CADPS: variants seen among roughly 807,000 people sequenced by gnomAD.
CADPS encodes calcium dependent secretion activator.
A neutral mutation model predicts 167.3 loss-of-function variants in CADPS; 57 were observed. That is an observed-to-expected ratio of 0.34 (90% CI 0.28 to 0.42). The LOEUF is 0.42. Among genes scored for constraint, CADPS ranks in the 20% least tolerant of loss-of-function variants. The pLI is 1.00. For missense variants in CADPS, 1,414 were observed against 1,738.1 expected (o/e 0.81, Z 3.32); for synonymous variants, 676 against 635.3 (o/e 1.06, Z -0.96).
Position 62,875,081 on chromosome 3 carries a change from G to A in CADPS, c.-52C>T. 1 of 1,522,720 alleles carries A rather than the reference G, an allele frequency of 6.6e-7. No homozygotes were observed. Among genetic ancestry groups the A allele is most frequent in the South Asian group, 1.2e-5 (1 of 85,502 alleles). The allele number at this position is 1,522,720 out of a possible 1,614,324, so 94.3% of individuals were successfully genotyped here. A position where few individuals can be genotyped will look rare whatever the true frequency, so the allele number is the denominator to read the frequency against. On this transcript the variant is annotated 5_prime_UTR_variant, in exon 1 of 30. Coordinates refer to ENST00000383710, the MANE Select transcript of CADPS (RefSeq NM_003716.4). ...GGAGCCCCCGGCTTGGAGTGCAAAA[G>A]GTGGGGGGCGCTGGAGGCAGCCGGG... is the stretch of plus-strand genomic sequence containing the variant.
chr3:62,749,745 G>T (rs2082280075), intron 3 of CADPS, among the ~76,000 whole-genome samples: 1 of 152,158 alleles, frequency 6.6e-6, no homozygotes, highest in Admixed American at 6.5e-5. Flanking sequence ...AAAGAGGAGG[G>T]AGGTAAATTA....
At chr3:62,520,117 G>C (rs1162702148) in intron 13 of CADPS, among the ~76,000 whole-genome samples, 1 of 152,124 alleles carries the variant, frequency 6.6e-6, no homozygotes, top group African/African-American at 2.4e-5. Flanking sequence ...GTTCAGAAAA[G>C]GTTTACTGAT....
intron 1 of CADPS, among the ~76,000 whole-genome samples, chr3:62,843,703 A>C (rs2076967494): frequency 6.6e-6 from 1 of 152,180 alleles, no homozygotes; most frequent in South Asian, 2.1e-4. Flanking sequence ...AGCTAGAAGG[A>C]GGAAGGAGGC....
At chr3:62,436,017 T>C (rs984362108) in intron 28 of CADPS, among the ~76,000 whole-genome samples, 2 of 152,068 alleles carry the variant, frequency 1.3e-5, no homozygotes, top group African/African-American at 4.8e-5. Flanking sequence ...TTGCCTGTGG[T>C]CTTCAACAGT....
chr3:62,810,114 G>C (rs1053798364), intron 1 of CADPS, among the ~76,000 whole-genome samples: 1 of 152,028 alleles, frequency 6.6e-6, no homozygotes, highest in Non-Finnish European at 1.5e-5. Context: ...CTACCATTAC[G>C]GGCCCCTAAT....
chr3:62,578,971 G>C (rs965771818), intron 8 of CADPS, among the ~76,000 whole-genome samples: 2 of 152,138 alleles, frequency 1.3e-5, no homozygotes, highest in African/African-American at 4.8e-5. Context: ...TGATGATTTT[G>C]AAGAAAAAGA....
rs2059533803 is a variant in CADPS, at chr3:62,462,891, C to G, written c.3636+2476G>C. 1.3e-5 allele frequency among the ~76,000 whole-genome samples: 2 copies of G among 152,180 alleles called. 1 individual carries two copies. The highest frequency in any genetic ancestry group is 4.1e-4 in the South Asian group (2 of 4,826). The stretch of plus-strand genomic sequence containing the variant: ...TGGAGATATTCCTGCCACCTCTAAA[C>G]ACAGTTCACTTTCTCTAATACTGGA... On this transcript the variant is annotated intron_variant, in intron 26 of 29. Transcript: ENST00000383710.
At chr3:62,709,639 C>G (rs2082993828) in intron 3 of CADPS, among the ~76,000 whole-genome samples, 1 of 152,086 alleles carries the variant, frequency 6.6e-6, no homozygotes, top group Admixed American at 6.5e-5. Flanking sequence ...CCTGAGGCCT[C>G]AGTCCAGACC....
At chr3:62,540,992 T>C (rs1462639901) in intron 11 of CADPS, among the ~76,000 whole-genome samples, 3 of 152,140 alleles carry the variant, frequency 2.0e-5, no homozygotes, top group African/African-American at 7.2e-5. Flanking sequence ...TTTGCCAATA[T>C]TTGGCATGTG....
intron 6 of CADPS, among the ~76,000 whole-genome samples, chr3:62,599,245 C>A (rs1238017915): frequency 6.6e-6 from 1 of 151,812 alleles, no homozygotes; most frequent in African/African-American, 2.4e-5. Context: ...GGTTAGGTGT[C>A]CCTATTCTGT....
At chr3:62,742,161 GGATA>G (rs2080407882) in intron 3 of CADPS, among the ~76,000 whole-genome samples, 1 of 152,066 alleles carries the variant, frequency 6.6e-6, no homozygotes, top group African/African-American at 2.4e-5. Flanking sequence ...CAATGCTCAT[GGATA>G]GAAAGAATCA....
chr3:62,845,253 G>A (rs1421169923), intron 1 of CADPS, among the ~76,000 whole-genome samples: 1 of 152,156 alleles, frequency 6.6e-6, no homozygotes, highest in African/African-American at 2.4e-5. Context: ...CTTCTGTATT[G>A]GAAGACCGAG....
rs950396637 is a variant in CADPS, at chr3:62,458,388, T to G, written c.3636+6979A>C. Among the ~76,000 whole-genome samples the G allele has an allele frequency of 2.0e-5, 3 of 152,200 alleles. No homozygotes were observed. The highest frequency in any genetic ancestry group is 7.2e-5 in the African/African-American group (3 of 41,462). ...ACTCTCTAACTTTCTGGCGATAAAC[T>G]TCCCACTGCATGTGATTTGGAGGTC... On this transcript the variant is annotated intron_variant, in intron 26 of 29. Coordinates refer to ENST00000383710, the MANE Select transcript of CADPS (RefSeq NM_003716.4). The surrounding 1 kb of genome is among the most constrained non-coding windows in gnomAD (Gnocchi z 4.6).
At chr3:62,776,464 C>T (rs1451212639) in intron 1 of CADPS, among the ~76,000 whole-genome samples, 1 of 152,130 alleles carries the variant, frequency 6.6e-6, no homozygotes, top group Non-Finnish European at 1.5e-5. Context: ...ACCATCCTGG[C>T]TAACACGGTG....
chr3:62,492,775 G>T (rs1187821879), intron 19 of CADPS, among the ~76,000 whole-genome samples: 1 of 152,040 alleles, frequency 6.6e-6, no homozygotes, highest in Non-Finnish European at 1.5e-5. Context: ...CATTGTTGTT[G>T]GCTAGTTCTT....
At chr3:62,516,801 GTGTATATAA>G (rs1441573381) in intron 14 of CADPS, among the ~76,000 whole-genome samples, 158 bp from the exon 15 acceptor site, 1 of 152,088 alleles carries the variant, frequency 6.6e-6, no homozygotes, top group Non-Finnish European at 1.5e-5. Flanking sequence ...CCATATATGT[GTGTATATAA>G]TGTATATATG....
At chr3:62,657,410 A>T (rs1460962899) in intron 4 of CADPS, among the ~76,000 whole-genome samples, 1 of 152,164 alleles carries the variant, frequency 6.6e-6, no homozygotes, top group Non-Finnish European at 1.5e-5. Context: ...TTACACTAAA[A>T]TTCGGCCAAA....
chr3:62,405,141 G>T lies in CADPS; in HGVS notation c.3778-1956C>A, dbSNP rs868361158. Among the ~76,000 whole-genome samples the T allele has an allele frequency of 3.0e-3, 450 of 149,432 alleles. 9 individuals are homozygous for T. In the South Asian group the frequency reaches 0.031, roughly 10 times the overall value. On this transcript the variant is annotated intron_variant, in intron 28 of 29. Coordinates refer to ENST00000383710, the MANE Select transcript of CADPS (RefSeq NM_003716.4). ...GTTGTAGCTGACATGTAATCTGGGGGGGGGGGGGGCTCAACAGATCTATTT... is the reference window on the plus strand; with the variant it reads ...GTTGTAGCTGACATGTAATCTGGGGTGGGGGGGGGCTCAACAGATCTATTT...
chr3:62,513,784 G>T, intron 16 of CADPS: 1 of 880,718 alleles, frequency 1.1e-6, no homozygotes, highest in Non-Finnish European at 1.8e-6. Context: ...AGAGGAAAAC[G>T]TTACATTAGC....
Sources: allele counts gnomAD v4.1 joint callset (sites outside exome capture counted in the v4.1 genomes callset), GRCh38; gene constraint gnomAD v4.1.1; non-coding constraint Gnocchi (gnomAD v3.1); transcripts MANE v1.5; gene names NCBI Gene and HGNC (gene_info 2026-07-23, HGNC 2026-07-21).